Variants in MYO18A observed in about 807,000 individuals in gnomAD.
The protein encoded by MYO18A is myosin XVIIIA.
A neutral mutation model predicts 235.8 loss-of-function variants in MYO18A; 78 were observed. The observed-to-expected ratio is 0.33, with a 90% CI of 0.28 to 0.40. The LOEUF (loss-of-function observed/expected upper bound fraction) is 0.40. Ranked by LOEUF, MYO18A falls within the 10% of genes least tolerant of loss-of-function variation. The pLI, the probability that MYO18A is intolerant of heterozygous loss-of-function variation, is 1.00. For missense variants in MYO18A, 2,215 were observed against 2,699.3 expected, an observed-to-expected ratio of 0.82 and a Z score of 3.98; for synonymous variants, 977 against 1,077.8, an observed-to-expected ratio of 0.91 and a Z score of 1.83.
chr17:29,102,288 G>A (rs1333170901), intron 21 of MYO18A, among the ~76,000 whole-genome samples: 1 of 152,218 alleles, frequency 6.6e-6, no homozygotes, highest in African/African-American at 2.4e-5. Flanking sequence ...ATGGGCTGGA[G>A]GAGGTGCCAT....
intron 41 of MYO18A, chr17:29,079,812 C>T (rs528251386): frequency 3.8e-5 from 37 of 986,108 alleles, no homozygotes; most frequent in Non-Finnish European, 4.2e-5. Context: ...CCTTCCTCGA[C>T]GGCCGGTGCG....
Position 29,140,446 on chromosome 17 carries a change from C to T in MYO18A, c.1000-18193G>A, listed in dbSNP as rs772480705. 1.3e-3 allele frequency: 1,621 copies of T among 1,227,272 alleles called. 1 individual carries two copies. Among genetic ancestry groups the T allele is most frequent in the Non-Finnish European group, 1.6e-3 (1,513 of 962,182 alleles). The allele number at this position is 1,227,272 out of a possible 1,614,324, so 76.0% of individuals were successfully genotyped here. ...GCACAGGCTGTGGCCCCGCCCAGTT[C>T]CCGCCCTCTCCCCGGCCCCTCCCGT... On this transcript the variant is annotated intron_variant, in intron 2 of 41. Coordinates refer to ENST00000527372, the MANE Select transcript of MYO18A (RefSeq NM_078471.4). This position sits in a 1 kb window ranked among gnomAD's most constrained non-coding sequence, Gnocchi z 4.2.
intron 2 of MYO18A, among the ~76,000 whole-genome samples, chr17:29,149,481 C>T (rs973640128): frequency 3.3e-5 from 5 of 152,180 alleles, no homozygotes; most frequent in African/African-American, 7.2e-5. Context: ...TGACACTCCC[C>T]CCAGCCCCTA....
rs2068300441 is a variant in MYO18A, at chr17:29,166,970, C to A, written c.-30G>T. On this transcript the variant is annotated 5_prime_UTR_variant, in exon 2 of 42. Coordinates refer to ENST00000527372, the MANE Select transcript of MYO18A (RefSeq NM_078471.4). ...GGGGTGCTGTTTGTAGGGGTAGCAC[C>A]CCCAGAGGATTATGAGTGCTTAGCA... 4.0e-6 allele frequency: 6 copies of A among 1,501,698 alleles called. No homozygotes were observed. In the South Asian group the frequency reaches 8.0e-5, roughly 20 times the overall value. 93.0% of individuals were successfully genotyped at this position (1,501,698 alleles called of 1,614,324 possible).
In MYO18A at chr17:29,121,165, T is replaced by G; in HGVS notation, c.1418A>C (p.His473Pro). 6.2e-7 allele frequency: 1 copy of G among 1,610,410 alleles called. No individual in the cohort carries two copies. The highest frequency in any genetic ancestry group is 8.5e-7 in the Non-Finnish European group (1 of 1,178,492). ...TGCGGTCTGGGCCACTGCATAGATG[T>G]GGGGTGCCATGTCCTCCCGCCGACA... is the stretch of plus-strand genomic sequence containing the variant. ...KGCRREDMAP[H>P]IYAVAQTAYR... Residue 473 changes from histidine to proline, a missense_variant, in exon 6 of 42, where the codon CAC becomes CCC. His to Pro is a moderately conservative substitution (Grantham distance 77). Coordinates refer to ENST00000527372, the MANE Select transcript of MYO18A (RefSeq NM_078471.4). The surrounding 1 kb of genome is among the most constrained non-coding windows in gnomAD (Gnocchi z 4.2).
In MYO18A at chr17:29,074,830, G is replaced by A; in HGVS notation, c.6105C>T (p.Tyr2035=). The A allele has an allele frequency of 6.2e-7, 1 of 1,614,016 alleles. No homozygotes were observed. The highest frequency in any genetic ancestry group is 8.5e-7 in the Non-Finnish European group (1 of 1,179,906). ...DPLDNTSRPR[Y]SHSYLSDSDT... Reference sequence around the variant, plus strand: ...CGCTGTCACTCAGATAACTGTGGGAGTATCGCGGTCTGGAGGTGTTGTCGA... The same window carrying A: ...CGCTGTCACTCAGATAACTGTGGGAATATCGCGGTCTGGAGGTGTTGTCGA... The change falls in exon 42 of 42, where the codon TAC becomes TAT. Residue 2035 remains tyrosine (Y), a synonymous_variant. Transcript: ENST00000527372. The surrounding 1 kb of genome is among the most constrained non-coding windows in gnomAD (Gnocchi z 4.4).
chr17:29,142,101 T>C (rs964263543), intron 2 of MYO18A, among the ~76,000 whole-genome samples: 16 of 152,182 alleles, frequency 1.1e-4, no homozygotes, highest in Non-Finnish European at 2.1e-4. Context: ...CCTGCCACCA[T>C]GCCCGGCTAA....
At chr17:29,079,291 T>C (rs760477296) in intron 41 of MYO18A, among the ~76,000 whole-genome samples, 5 of 151,938 alleles carry the variant, frequency 3.3e-5, no homozygotes, top group Non-Finnish European at 5.9e-5. Context: ...AGTGCTGGAG[T>C]TGGGCAGACC....
chr17:29,153,525 C>T (rs1233733916), intron 2 of MYO18A, among the ~76,000 whole-genome samples: 1 of 152,220 alleles, frequency 6.6e-6, no homozygotes, highest in Non-Finnish European at 1.5e-5. Context: ...GGTCACTCAG[C>T]CAGTAGGCAG....
chr17:29,105,958 G>A (rs572272), intron 20 of MYO18A, among the ~76,000 whole-genome samples: 1 of 152,136 alleles, frequency 6.6e-6, no homozygotes, highest in Non-Finnish European at 1.5e-5. Context: ...GGGAGGCTCA[G>A]GAGGGCTGAG....
At chr17:29,119,068 G>C (rs2152850292) in intron 8 of MYO18A, among the ~76,000 whole-genome samples, 1 of 152,264 alleles carries the variant, frequency 6.6e-6, no homozygotes, top group South Asian at 2.1e-4. Context: ...CTAGGCCCTG[G>C]CAACACTGAA....
In MYO18A at chr17:29,119,387, C is replaced by T; in HGVS notation, c.1777G>A (p.Ala593Thr). Residue 593 changes from alanine to threonine, a missense_variant, in exon 8 of 42, where the codon GCC becomes ACC. Ala to Thr is a moderately conservative substitution (Grantham distance 58, BLOSUM62 0). Coordinates refer to ENST00000527372, the MANE Select transcript of MYO18A (RefSeq NM_078471.4). ...LRVARRPASE[A>T]TFNVFYYLLA... ...AGGTAGTAGAAGACGTTGAATGTGG[C>T]TTCACTGGCTGGGCGCCGAGCCACA... The T allele has an allele frequency of 1.2e-6, 2 of 1,612,534 alleles. No homozygotes were observed. The highest frequency in any genetic ancestry group is 1.7e-6 in the Non-Finnish European group (2 of 1,179,552).
At position 29,097,331 on chromosome 17, in the gene MYO18A, C is replaced by T. The variant is rs1249353359; in HGVS notation, c.4122G>A (p.Lys1374=). 2 of 1,608,798 alleles carry T rather than the reference C, an allele frequency of 1.2e-6. No individual in the cohort carries two copies. The highest frequency in any genetic ancestry group is 1.3e-5 in the African/African-American group (1 of 75,044). ...CCACCTCCCGCACAGCCCGCTCATA[C>T]TTCAGCCGCCACTCGCCACCTGTGG... ...DDDAGGEWRL[K]YERAVREVDF... The change falls in exon 27 of 42, where the codon AAG becomes AAA. Residue 1374 remains lysine, a synonymous_variant. Transcript: ENST00000527372.
chr17:29,094,961 G>C lies in MYO18A; in HGVS notation c.4484C>G (p.Ala1495Gly). 6.2e-7 allele frequency: 1 copy of C among 1,608,922 alleles called. No individual in the cohort carries two copies. Among genetic ancestry groups the C allele is most frequent in the African/African-American group, 1.3e-5 (1 of 74,966 alleles). ...QREKDMLLAE[A>G]FSLKQQLEEK... ...CTCTAGTTGCTGCTTCAGGCTGAAA[G>C]CCTCAGCGAGGAGCATGTCCTTCTC... Residue 1495 changes from alanine (A) to glycine (G), a missense_variant, in exon 29 of 42, where the codon GCT (alanine) becomes GGT (glycine). Coordinates refer to ENST00000527372, the MANE Select transcript of MYO18A (RefSeq NM_078471.4).
rs750524530 is a variant in MYO18A at position 29,092,835 on chromosome 17, C to T, written c.5073+20G>A. On this transcript the variant is annotated intron_variant, in intron 33 of 41. Transcript: ENST00000527372. ...TAAGCTCTGTTGTGCCTGGATCAGC[C>T]GTGTGCTCTCTGTGGATACCTGGTT... 47 of 1,613,094 alleles carry T rather than the reference C, an allele frequency of 2.9e-5. No individual in the cohort carries two copies. In the East Asian group the frequency reaches 8.5e-4, roughly 29 times the overall value.
At chr17:29,154,223 T>A (rs2068020237) in intron 2 of MYO18A, among the ~76,000 whole-genome samples, 1 of 151,498 alleles carries the variant, frequency 6.6e-6, no homozygotes, top group Non-Finnish European at 1.5e-5. Flanking sequence ...CGAAGTTAGG[T>A]GATGATGGAT....
rs910331190 is a variant in MYO18A, at chr17:29,073,919, G to A, written c.*851C>T. 1.9e-6 allele frequency: 3 copies of A among 1,613,922 alleles called. No individual in the cohort carries two copies. Among genetic ancestry groups the A allele is most frequent in the African/African-American group, 2.7e-5 (2 of 75,046 alleles). On this transcript the variant is annotated 3_prime_UTR_variant, in exon 42 of 42. Transcript: ENST00000527372. ...ACCACCTGGACAGAGCAGGAGGGAGGCAGTGCTTGGATCAGCCCTGAACTG... is the reference window on the plus strand; with the variant it reads ...ACCACCTGGACAGAGCAGGAGGGAGACAGTGCTTGGATCAGCCCTGAACTG...
At chr17:29,112,728 C>T (rs2066961902) in intron 15 of MYO18A, among the ~76,000 whole-genome samples, 1 of 152,240 alleles carries the variant, frequency 6.6e-6, no homozygotes, top group Non-Finnish European at 1.5e-5. Flanking sequence ...CTGGCCTGGC[C>T]TTCAGGGGCT....
intron 2 of MYO18A, chr17:29,137,070 A>G (rs1314360826): frequency 6.6e-6 from 1 of 152,212 alleles, no homozygotes; most frequent in Non-Finnish European, 1.5e-5. Flanking sequence ...TTGAATCCTC[A>G]TAACAACACA....
Sources: allele counts gnomAD v4.1 joint callset (sites outside exome capture counted in the v4.1 genomes callset), GRCh38; gene constraint gnomAD v4.1.1; non-coding constraint Gnocchi (gnomAD v3.1); transcripts MANE v1.5; gene names NCBI Gene and HGNC (gene_info 2026-07-23, HGNC 2026-07-21).